PDE8B: variants seen among roughly 807,000 people sequenced by gnomAD.
The protein encoded by PDE8B is high affinity cAMP-specific and IBMX-insensitive 3',5'-cyclic phosphodiesterase 8B.
A neutral mutation model predicts 101.3 loss-of-function variants in PDE8B; 26 were observed. That is an observed-to-expected ratio of 0.26 (90% confidence interval 0.19 to 0.36). The LOEUF (loss-of-function observed/expected upper bound fraction) is 0.36, where lower values mean the gene tolerates loss of function less well. PDE8B is among the 10% of genes least tolerant of loss of function. The pLI, the probability that PDE8B is intolerant of heterozygous loss-of-function variation, is 1.00. For synonymous variants in PDE8B, 424 were observed against 429.3 expected, an observed-to-expected ratio of 0.99 and a Z score of 0.15; for missense variants, 810 against 1,163.1, an observed-to-expected ratio of 0.70 and a Z score of 4.42.
At chr5:77,305,946 T>C (rs1771103712) in intron 1 of PDE8B, among the ~76,000 whole-genome samples, 2 of 152,160 alleles carry the variant, frequency 1.3e-5, no homozygotes. Context: ...GTACTGTAGA[T>C]GGTGGGAAGG....
At chr5:77,302,732 G>A (rs1014087923) in intron 1 of PDE8B, among the ~76,000 whole-genome samples, 9 of 152,196 alleles carry the variant, frequency 5.9e-5, no homozygotes, top group Non-Finnish European at 7.3e-5. Context: ...TCCCAGTGAG[G>A]CAGACCTGGG....
At chr5:77,186,792 G>A in the PDE8B span, among the ~76,000 whole-genome samples, 1 of 152,126 alleles carries the variant, frequency 6.6e-6, no homozygotes, top group African/African-American at 2.4e-5. Flanking sequence ...GCAACTATGT[G>A]CACCATAGTG....
chr5:77,213,742 T>G (rs1749028079), intron 1 of PDE8B, among the ~76,000 whole-genome samples: 1 of 152,068 alleles, frequency 6.6e-6, no homozygotes, highest in African/African-American at 2.4e-5. Flanking sequence ...ACATCAATTA[T>G]GAAGTGTATC....
At chr5:77,149,625 G>T in the PDE8B span, among the ~76,000 whole-genome samples, 160 of 152,206 alleles carry the variant, frequency 1.1e-3, no homozygotes, top group Non-Finnish European at 1.8e-3. Context: ...TTTGTGAATA[G>T]AATTTTTTTA....
At chr5:77,238,198 A>G (rs1431819480) in intron 1 of PDE8B, among the ~76,000 whole-genome samples, 16 of 152,200 alleles carry the variant, frequency 1.1e-4, no homozygotes, top group Non-Finnish European at 2.9e-5. Flanking sequence ...TCTTTCTGAA[A>G]TTCCATGACA....
At chr5:77,229,173 G>GT (rs1753041611) in intron 1 of PDE8B, among the ~76,000 whole-genome samples, 1 of 152,214 alleles carries the variant, frequency 6.6e-6, no homozygotes, top group Non-Finnish European at 1.5e-5. Flanking sequence ...TTTAATCAAT[G>GT]TAACTGTGTA....
intron 1 of PDE8B, among the ~76,000 whole-genome samples, chr5:77,301,142 C>G (rs1769835437): frequency 6.6e-6 from 1 of 152,162 alleles, no homozygotes; most frequent in Non-Finnish European, 1.5e-5. Flanking sequence ...GATGGGGTAC[C>G]AGCTGTGGCT....
intron 10 of PDE8B, among the ~76,000 whole-genome samples, chr5:77,389,145 T>G (rs1393547058): frequency 6.6e-6 from 1 of 151,998 alleles, no homozygotes; most frequent in Non-Finnish European, 1.5e-5. Flanking sequence ...TCTAGCTTGG[T>G]GTCTGTCCAA....
intron 10 of PDE8B, among the ~76,000 whole-genome samples, chr5:77,393,905 C>A (rs1019429730): frequency 8.5e-5 from 13 of 152,180 alleles, no homozygotes; most frequent in African/African-American, 3.1e-4. Context: ...GTTAGTCTTT[C>A]CAAAGGACTT....
At chr5:77,311,055 T>C (rs1169256880) in intron 1 of PDE8B, among the ~76,000 whole-genome samples, 1 of 152,202 alleles carries the variant, frequency 6.6e-6, no homozygotes, top group Non-Finnish European at 1.5e-5. Context: ...TGCTGCTGCG[T>C]GCTGAAGGCG....
chr5:77,124,304 T>C, the PDE8B span, among the ~76,000 whole-genome samples: 1,139 of 152,218 alleles, frequency 7.5e-3, 8 homozygotes, highest in Non-Finnish European at 0.013. Context: ...ATTGGAAATA[T>C]GTTGGCTAGG....
At chr5:77,421,764 C>T (rs1796701676) in intron 19 of PDE8B, 57 bp from the exon 20 acceptor site, 1 of 1,558,964 alleles carries the variant, frequency 6.4e-7, no homozygotes, top group African/African-American at 1.3e-5. Flanking sequence ...GCGAATTAAC[C>T]CTTGTGGGCT....
chr5:77,212,810 G>A (rs1240309350), intron 1 of PDE8B, among the ~76,000 whole-genome samples: 1 of 152,170 alleles, frequency 6.6e-6, no homozygotes, highest in African/African-American at 2.4e-5. Flanking sequence ...GGATGAAAAT[G>A]TTAAATTTGG....
In PDE8B at chr5:77,427,152, C is replaced by A. The variant is rs1798292888; in HGVS notation, c.*598C>A. On this transcript the variant is annotated 3_prime_UTR_variant, in exon 22 of 22. Transcript: ENST00000264917. Reference sequence around the variant, plus strand: ...GGTTCTTCTGGCCGATGGTATGACACCTAAGTTAGAACACAGCCTTGGCTG... The same window carrying A: ...GGTTCTTCTGGCCGATGGTATGACAACTAAGTTAGAACACAGCCTTGGCTG... The A allele has an allele frequency of 6.4e-6, 1 of 155,826 alleles. No individual in the cohort carries two copies. The highest frequency in any genetic ancestry group is 1.4e-5 in the Non-Finnish European group (1 of 70,342). 9.7% of individuals were successfully genotyped at this position (155,826 alleles called of 1,614,324 possible).
chr5:77,386,559 G>A (rs1788671909), intron 10 of PDE8B, among the ~76,000 whole-genome samples: 1 of 152,012 alleles, frequency 6.6e-6, no homozygotes, highest in Non-Finnish European at 1.5e-5. Context: ...TTTGATCTTT[G>A]TTGGTTTAAA....
intron 10 of PDE8B, among the ~76,000 whole-genome samples, chr5:77,382,024 C>T (rs1315948844): frequency 6.6e-6 from 1 of 152,130 alleles, no homozygotes; most frequent in Non-Finnish European, 1.5e-5. Context: ...TGTTTATTTT[C>T]ATAGGTTTTG....
At chr5:77,208,614 G>T (rs774509719), upstream of PDE8B, among the ~76,000 whole-genome samples, 14 of 152,146 alleles carry the variant, frequency 9.2e-5, no homozygotes, top group African/African-American at 3.4e-4. Context: ...GTTCTTACAG[G>T]CATGGATGGG....
the PDE8B span, chr5:77,139,913 A>C: frequency 6.6e-6 from 1 of 152,042 alleles, no homozygotes; most frequent in Non-Finnish European, 1.5e-5. Context: ...CTGTTTCTTT[A>C]CTTCTTGGGC....
intron 1 of PDE8B, among the ~76,000 whole-genome samples, chr5:77,302,297 C>G (rs1393306702): frequency 6.6e-6 from 1 of 152,236 alleles, no homozygotes; most frequent in Admixed American, 6.5e-5. Flanking sequence ...AGCATCCCCC[C>G]TCCACTGGCA....
Sources: allele counts gnomAD v4.1 joint callset (sites outside exome capture counted in the v4.1 genomes callset), GRCh38; gene constraint gnomAD v4.1.1; transcripts MANE v1.5; gene names NCBI Gene and HGNC (gene_info 2026-07-23, HGNC 2026-07-21).